SLCO3A1: variants seen among roughly 807,000 people sequenced by gnomAD.
The protein encoded by SLCO3A1 is PGE1 transporter.
SLCO3A1 carries 27 observed loss-of-function variants against 63.1 expected under a neutral mutation model. The observed-to-expected ratio is 0.43, with a 90% CI of 0.32 to 0.59. The LOEUF is 0.59. Ranked by LOEUF, SLCO3A1 falls within the 20% of genes least tolerant of loss-of-function variation. The pLI is 0.09. For synonymous variants in SLCO3A1, 473 were observed against 409.9 expected (o/e 1.15, Z -1.86); for missense variants, 773 against 945.8 (o/e 0.82, Z 2.40).
intron 7 of SLCO3A1, among the ~76,000 whole-genome samples, chr15:92,140,550 G>A (rs1427579214): frequency 2.0e-5 from 3 of 152,094 alleles, no homozygotes; most frequent in South Asian, 2.1e-4. Context: ...TTTCTGTCTC[G>A]TTGATCAGTC....
Position 92,082,008 on chromosome 15 carries a change from A to T in SLCO3A1, c.647-12873A>T, listed in dbSNP as rs142087227. Among the ~76,000 whole-genome samples, 30 of 152,304 alleles carry T rather than the reference A, an allele frequency of 2.0e-4. No homozygotes were observed. The East Asian group carries it at 5.6e-3, about 28-fold the overall frequency. On this transcript the variant is annotated intron_variant, in intron 2 of 9. Transcript: ENST00000318445. ...TGTACTGTGTGGATTTGGTAACATT[A>T]GTGTTTGGTTTTGTTTGTAAACTTT...
chr15:92,018,730 G>T (rs796826539), intron 2 of SLCO3A1, among the ~76,000 whole-genome samples: 1 of 152,160 alleles, frequency 6.6e-6, no homozygotes, highest in African/African-American at 2.4e-5. Flanking sequence ...GAGTGGGTGA[G>T]CATGGCATCA....
At position 91,872,095 on chromosome 15, in the gene SLCO3A1, G is replaced by A. The variant is rs1322802004; in HGVS notation, c.180+18007G>A. Among the ~76,000 whole-genome samples the A allele has an allele frequency of 6.6e-6, 1 of 152,176 alleles. No homozygotes were observed. Among genetic ancestry groups the A allele is most frequent in the Non-Finnish European group, 1.5e-5 (1 of 68,022 alleles). On this transcript the variant is annotated intron_variant, in intron 1 of 9. Transcript: ENST00000318445. This position sits in a 1 kb window ranked among gnomAD's most constrained non-coding sequence, Gnocchi z 4.1. ...GATGTGGGGAGTCAAATCCTCTGTG[G>A]AAAGGGGAATTGCCTTCGTCGAGGA...
At chr15:92,094,579 A>C (rs571477505) in intron 2 of SLCO3A1, among the ~76,000 whole-genome samples, 52 of 152,358 alleles carry the variant, frequency 3.4e-4, no homozygotes, top group African/African-American at 9.9e-4. Flanking sequence ...GGCAGAAAAA[A>C]TATTTAATGA....
intron 2 of SLCO3A1, among the ~76,000 whole-genome samples, chr15:92,039,813 C>G (rs190893380): frequency 7.2e-5 from 11 of 152,256 alleles, no homozygotes; most frequent in Middle Eastern, 3.4e-3. Flanking sequence ...ATGGAACCAA[C>G]CCAAATGCCC....
chr15:92,080,937 G>GGT (rs746523979), intron 2 of SLCO3A1, among the ~76,000 whole-genome samples: 50 of 78,112 alleles, frequency 6.4e-4, no homozygotes, highest in Non-Finnish European at 1.3e-3. Flanking sequence ...ATACATAGTA[G>GGT]CTGTGTGTGT....
chr15:91,947,611 T>C lies in SLCO3A1; in HGVS notation c.646+31153T>C, dbSNP rs150029868. ...AGATAGGGCCGACAGATCGTTGCCT[T>C]CGGCCTTTGTCACTTGTTTAACCCA... is the stretch of plus-strand genomic sequence containing the variant. On this transcript the variant is annotated intron_variant, in intron 2 of 9. Transcript: ENST00000318445. Among the ~76,000 whole-genome samples, 40 of 152,340 alleles carry C rather than the reference T, an allele frequency of 2.6e-4. 2 individuals are homozygous for C. In the East Asian group the frequency reaches 7.3e-3, roughly 28 times the overall value.
rs1897961016 is a variant in SLCO3A1, at chr15:91,894,756, ACTCCTGCT to A, written c.181-21236_181-21229del. ...AAAAGGCTCTCTGGTGATGTCAGCT[ACTCCTGCT>A]GGAGCCCCACTTGACTGAGCAAGGG... On this transcript the variant is annotated intron_variant, in intron 1 of 9. Coordinates refer to ENST00000318445, the MANE Select transcript of SLCO3A1 (RefSeq NM_013272.4). This position sits in a 1 kb window ranked among gnomAD's most constrained non-coding sequence, Gnocchi z 4.8. Among the ~76,000 whole-genome samples, 1 of 151,896 alleles carries A rather than the reference ACTCCTGCT, an allele frequency of 6.6e-6. No individual in the cohort carries two copies. Among genetic ancestry groups the A allele is most frequent in the South Asian group, 2.1e-4 (1 of 4,820 alleles).
intron 2 of SLCO3A1, among the ~76,000 whole-genome samples, chr15:91,997,724 A>G (rs572602756): frequency 6.6e-6 from 1 of 152,356 alleles, no homozygotes; most frequent in East Asian, 1.9e-4. Context: ...CAGCTCTCTG[A>G]TCTTCAACAA....
intron 2 of SLCO3A1, among the ~76,000 whole-genome samples, chr15:92,058,101 T>C (rs1597269248): frequency 6.6e-6 from 1 of 152,168 alleles, no homozygotes; most frequent in Admixed American, 6.5e-5. Flanking sequence ...TCATCATCAC[T>C]ATTGATTAAA....
At chr15:92,165,928 A>G (rs1476025180), downstream of SLCO3A1, 3 of 982,492 alleles carry the variant, frequency 3.1e-6, no homozygotes, top group Non-Finnish European at 3.6e-6. Context: ...CTCTTCTGCT[A>G]CAAACTCCTA....
At chr15:92,025,883 G>A (rs1452289861) in intron 2 of SLCO3A1, among the ~76,000 whole-genome samples, 1 of 152,206 alleles carries the variant, frequency 6.6e-6, no homozygotes, top group African/African-American at 2.4e-5. Flanking sequence ...TGGAAGAGTG[G>A]TACACGGGTT....
intron 2 of SLCO3A1, among the ~76,000 whole-genome samples, chr15:91,970,463 C>T (rs1900818353): frequency 6.6e-6 from 1 of 152,162 alleles, no homozygotes; most frequent in Admixed American, 6.5e-5. Context: ...TCTCCTTTCT[C>T]TGTAGTCAAC....
intron 2 of SLCO3A1, among the ~76,000 whole-genome samples, chr15:92,078,748 G>T (rs191999994): frequency 1.3e-5 from 2 of 152,024 alleles, no homozygotes; most frequent in South Asian, 4.1e-4. Context: ...GTTTCCTTAC[G>T]TTAAAATGGG....
At chr15:92,084,673 G>A (rs904905296) in intron 2 of SLCO3A1, among the ~76,000 whole-genome samples, 1 of 152,236 alleles carries the variant, frequency 6.6e-6, no homozygotes, top group Non-Finnish European at 1.5e-5. Context: ...GGCATAAAGA[G>A]TTTATGCCAG....
rs948199406 is a variant in SLCO3A1, at chr15:91,911,649, C to T, written c.181-4344C>T. Among the ~76,000 whole-genome samples, 9 of 151,554 alleles carry T rather than the reference C, an allele frequency of 5.9e-5. No homozygotes were observed. In the East Asian group the frequency reaches 7.7e-4, roughly 13 times the overall value. ...AGATATTTAGATTTTTTTTTTGAGA[C>T]GGAGTCTTGCTTTGTCACCAAGGCT... On this transcript the variant is annotated intron_variant, in intron 1 of 9. Transcript: ENST00000318445.
chr15:92,060,300 C>T (rs67840341), intron 2 of SLCO3A1, among the ~76,000 whole-genome samples: 23,323 of 151,914 alleles, frequency 0.15, 1,825 homozygotes, highest in African/African-American at 0.19. Flanking sequence ...TGGTTCATGC[C>T]TGTAATCCCA....
chr15:91,937,898 G>A (rs184261997), intron 2 of SLCO3A1, among the ~76,000 whole-genome samples: 1 of 152,026 alleles, frequency 6.6e-6, no homozygotes, highest in South Asian at 2.1e-4. Flanking sequence ...CTTAACCTTG[G>A]TTTTCACATC....
rs548546495 is a variant in SLCO3A1, at chr15:92,149,078, G to A, written c.1689-1872G>A. 6 of 152,310 alleles carry A rather than the reference G, an allele frequency of 3.9e-5. No individual in the cohort carries two copies. In the South Asian group the frequency reaches 8.3e-4, roughly 21 times the overall value. The allele number at this position is 152,310 out of a possible 1,614,324, so 9.4% of individuals were successfully genotyped here. On this transcript the variant is annotated intron_variant, in intron 8 of 9. Coordinates refer to ENST00000318445, the MANE Select transcript of SLCO3A1 (RefSeq NM_013272.4). ...ATTGGAGAAGCATGAAAAATGACTA[G>A]TCTCTTATTAGCTTGCCCCACGACT...
Sources: allele counts gnomAD v4.1 joint callset (sites outside exome capture counted in the v4.1 genomes callset), GRCh38; gene constraint gnomAD v4.1.1; non-coding constraint Gnocchi (gnomAD v3.1); transcripts MANE v1.5; gene names NCBI Gene and HGNC (gene_info 2026-07-23, HGNC 2026-07-21).